Variants in TLCD4 observed in about 807,000 individuals in gnomAD.
TLCD4 encodes the protein TLC domain containing 4.
In TLCD4, 7 loss-of-function variants were observed where a neutral mutation model predicts 24.2. The ratio of observed to expected loss-of-function variants is 0.29; its 90% confidence interval spans 0.16 to 0.54. TLCD4 has a LOEUF of 0.54. TLCD4 is among the 20% of genes least tolerant of loss of function. The probability of loss-of-function intolerance (pLI) is 0.95; values close to 1 mark genes in which losing one functional copy is unlikely to be tolerated. For missense variants in TLCD4, 259 were observed against 313.9 expected (o/e 0.82, Z 1.32); for synonymous variants, 103 against 106.4 (o/e 0.97, Z 0.20).
chr1:95,112,098 G>C, the TLCD4 span, among the ~76,000 whole-genome samples: 1 of 152,108 alleles, frequency 6.6e-6, no homozygotes, highest in Non-Finnish European at 1.5e-5. Context: ...ATTGTATGAC[G>C]GTTAGCAGCA....
At chr1:95,181,330 GT>G (rs1316423998) in intron 6 of TLCD4, among the ~76,000 whole-genome samples, 1 of 152,138 alleles carries the variant, frequency 6.6e-6, no homozygotes, top group African/African-American at 2.4e-5. Flanking sequence ...GATAAGTAGT[GT>G]TTGAAGCATA....
chr1:95,143,957 T>G lies in TLCD4; in HGVS notation c.56T>G (p.Phe19Cys). Residue 19 changes from phenylalanine to cysteine, a missense_variant, in exon 2 of 7, where the codon TTT becomes TGT. Coordinates refer to ENST00000370203, the MANE Select transcript of TLCD4 (RefSeq NM_152487.3). ...GTTACCTGTATCAGCTTTTTCACCT[T>G]TCAGCTTCTTTTCTACTTTGTAAGT... ...ISVTCISFFT[F>C]QLLFYFVSYW... The G allele has an allele frequency of 6.4e-7, 1 of 1,572,838 alleles. No homozygotes were observed. Among genetic ancestry groups the G allele is most frequent in the Non-Finnish European group, 8.6e-7 (1 of 1,160,604 alleles).
intron 1 of TLCD4, among the ~76,000 whole-genome samples, chr1:95,133,766 T>G (rs1215262336): frequency 6.6e-6 from 1 of 152,032 alleles, no homozygotes; most frequent in Non-Finnish European, 1.5e-5. Context: ...CTGATCCCTC[T>G]GTAATTCTCA....
intron 1 of TLCD4, among the ~76,000 whole-genome samples, chr1:95,142,319 G>A (rs1677223270): frequency 3.5e-5 from 5 of 143,490 alleles, no homozygotes; most frequent in Admixed American, 2.1e-4. Context: ...TTTTAATAAG[G>A]GATACAAAGC....
Position 95,148,723 on chromosome 1 carries a change from T to C in TLCD4, c.177T>C (p.Ser59=). 6.2e-7 allele frequency: 1 copy of C among 1,613,804 alleles called. No homozygotes were observed. The highest frequency in any genetic ancestry group is 8.5e-7 in the Non-Finnish European group (1 of 1,179,814). Residue 59 remains serine, a synonymous_variant, in exon 3 of 7, where the codon TCT becomes TCC. Coordinates refer to ENST00000370203, the MANE Select transcript of TLCD4 (RefSeq NM_152487.3). ...TCAGGGTAGTATCCACATGCCATTCTTTGGTGGTTGGTATTTTTGGCCTGT... is the reference window on the plus strand; with the variant it reads ...TCAGGGTAGTATCCACATGCCATTCCTTGGTGGTTGGTATTTTTGGCCTGT... The part of the protein sequence containing the change: ...WNSRVVSTCH[S]LVVGIFGLYI...
At chr1:95,103,359 A>G in the TLCD4 span, among the ~76,000 whole-genome samples, 4 of 152,236 alleles carry the variant, frequency 2.6e-5, no homozygotes, top group African/African-American at 9.6e-5. Flanking sequence ...TATGTAGGAA[A>G]GAAGAGAGGT....
At chr1:95,167,716 T>C (rs942147067) in intron 5 of TLCD4, among the ~76,000 whole-genome samples, 5 of 152,180 alleles carry the variant, frequency 3.3e-5, no homozygotes, top group Non-Finnish European at 5.9e-5. Flanking sequence ...CCAGGATCGA[T>C]TGTATCTTGA....
At chr1:95,185,531 C>T (rs141614428) in intron 6 of TLCD4, among the ~76,000 whole-genome samples, 12 of 152,278 alleles carry the variant, frequency 7.9e-5, no homozygotes, top group African/African-American at 1.9e-4. Context: ...CTTCCAACTT[C>T]GTCACCTCTT....
chr1:95,170,476 C>T (rs1678169563), intron 5 of TLCD4, among the ~76,000 whole-genome samples: 1 of 151,870 alleles, frequency 6.6e-6, no homozygotes, highest in Non-Finnish European at 1.5e-5. Flanking sequence ...ACTATAGGCA[C>T]CCGCCACCAC....
intron 1 of TLCD4, among the ~76,000 whole-genome samples, chr1:95,123,954 A>G (rs1391122552): frequency 2.6e-5 from 4 of 152,208 alleles, no homozygotes; most frequent in Admixed American, 2.6e-4. Flanking sequence ...ATCAACATTT[A>G]CATATTCTGC....
At chr1:95,097,488 G>T in the TLCD4 span, among the ~76,000 whole-genome samples, 3 of 152,218 alleles carry the variant, frequency 2.0e-5, no homozygotes, top group Non-Finnish European at 4.4e-5. Context: ...GTGAGATACT[G>T]GTTTGTATCA....
In TLCD4 at chr1:95,173,909, G is replaced by A. The variant is rs1293888659; in HGVS notation, c.473+20G>A. 1.2e-6 allele frequency: 2 copies of A among 1,613,196 alleles called. No homozygotes were observed. Among genetic ancestry groups the A allele is most frequent in the Non-Finnish European group, 1.7e-6 (2 of 1,179,822 alleles). On this transcript the variant is annotated intron_variant, in intron 6 of 6. Transcript: ENST00000370203. ...TCAGCGGTATGTTACTGATATCATT[G>A]ATTATTTTAAAGTCATGCTGTTTAT...
chr1:95,151,157 G>A (rs961288607), intron 4 of TLCD4, among the ~76,000 whole-genome samples, 168 bp from the exon 5 acceptor site: 50 of 152,130 alleles, frequency 3.3e-4, no homozygotes, highest in African/African-American at 1.2e-3. Flanking sequence ...GCATATAGGA[G>A]CAGAGATTTT....
At chr1:95,168,457 C>A (rs1678093315) in intron 5 of TLCD4, among the ~76,000 whole-genome samples, 1 of 148,658 alleles carries the variant, frequency 6.7e-6, no homozygotes, top group Non-Finnish European at 1.5e-5. Context: ...TTTCTCATAA[C>A]AAATTTGATA....
chr1:95,111,362 A>G, the TLCD4 span, among the ~76,000 whole-genome samples: 1 of 151,774 alleles, frequency 6.6e-6, no homozygotes, highest in Non-Finnish European at 1.5e-5. Flanking sequence ...GACATTTACA[A>G]AATAATAACT....
intron 1 of TLCD4, chr1:95,121,241 A>T (rs776453199): frequency 6.6e-6 from 1 of 152,264 alleles, no homozygotes; most frequent in South Asian, 2.1e-4. Context: ...ATGAGGAGAC[A>T]AAAGGACCCA....
chr1:95,126,188 A>C (rs1676729331), intron 1 of TLCD4, among the ~76,000 whole-genome samples: 1 of 151,896 alleles, frequency 6.6e-6, no homozygotes, highest in South Asian at 2.1e-4. Flanking sequence ...GCACTTTGGG[A>C]GGCTGAGGTG....
At chr1:95,151,894 A>T (rs896847781) in intron 5 of TLCD4, among the ~76,000 whole-genome samples, 1 of 152,112 alleles carries the variant, frequency 6.6e-6, no homozygotes, top group Non-Finnish European at 1.5e-5. Flanking sequence ...TTAATAGAGG[A>T]TTCTTCCAAC....
chr1:95,097,702 T>C, the TLCD4 span, among the ~76,000 whole-genome samples: 1 of 152,176 alleles, frequency 6.6e-6, no homozygotes, highest in South Asian at 2.1e-4. Context: ...TTGTAGACTC[T>C]TGCCCCCTTT....
Sources: allele counts gnomAD v4.1 joint callset (sites outside exome capture counted in the v4.1 genomes callset), GRCh38; gene constraint gnomAD v4.1.1; transcripts MANE v1.5; gene names NCBI Gene and HGNC (gene_info 2026-07-23, HGNC 2026-07-21).